ANKRD26: variants seen among roughly 807,000 people sequenced by gnomAD.
The protein encoded by ANKRD26 is ankyrin repeat domain 26, also known as ankyrin repeat domain-containing protein 26.
A neutral mutation model predicts 208.7 loss-of-function variants in ANKRD26; 141 were observed. That is an observed-to-expected ratio of 0.68 (90% CI 0.59 to 0.78). The LOEUF is 0.78. Ranked by LOEUF, ANKRD26 falls within the 30% of genes least tolerant of loss-of-function variation. The probability of loss-of-function intolerance (pLI) is 0.00; values close to 1 mark genes in which losing one functional copy is unlikely to be tolerated. For missense variants in ANKRD26, 1,889 were observed against 1,938.7 expected (o/e 0.97, Z 0.48); for synonymous variants, 636 against 660.4 (o/e 0.96, Z 0.57).
rs763882780 is a variant in ANKRD26 at position 27,040,222 on chromosome 10, C to T, written c.2162-44G>A. ...AAGATAGAAATATATGAGCATTTTT[C>T]CATATAACACACTGTGCACTATAAC... On this transcript the variant is annotated intron_variant, in intron 20 of 33. Coordinates refer to ENST00000376087, the MANE Select transcript of ANKRD26 (RefSeq NM_014915.3). The T allele has an allele frequency of 6.6e-6, 9 of 1,371,728 alleles. No homozygotes were observed. The Admixed American group carries it at 1.6e-4, about 25-fold the overall frequency. The allele number at this position is 1,371,728 out of a possible 1,614,324, so 85.0% of individuals were successfully genotyped here. A position where few individuals can be genotyped will look rare whatever the true frequency, so the allele number is the denominator to read the frequency against.
intron 6 of ANKRD26, among the ~76,000 whole-genome samples, chr10:27,079,766 T>C (rs899644963): frequency 1.3e-5 from 2 of 152,106 alleles, no homozygotes; most frequent in South Asian, 2.1e-4. Context: ...GGCAAGAGAA[T>C]TGCTTGAACC....
At chr10:27,042,856 C>T (rs1188916619) in intron 20 of ANKRD26, among the ~76,000 whole-genome samples, 4 of 134,744 alleles carry the variant, frequency 3.0e-5, no homozygotes, top group Non-Finnish European at 4.7e-5. Context: ...ATATCAGCTA[C>T]TCAGGAGGCT....
At chr10:26,962,930 A>G in the ANKRD26 span, among the ~76,000 whole-genome samples, 3 of 152,204 alleles carry the variant, frequency 2.0e-5, no homozygotes, top group Admixed American at 2.0e-4. Context: ...TATCATGCTT[A>G]CTACATTCTG....
At chr10:27,051,232 T>A (rs764807812) in intron 16 of ANKRD26, 10 of 1,289,858 alleles carry the variant, frequency 7.8e-6, no homozygotes, top group South Asian at 1.2e-5. Context: ...TCAGGTTCCA[T>A]GCTTTTATAG....
At chr10:27,010,635 A>G (rs2053066578) in intron 32 of ANKRD26, among the ~76,000 whole-genome samples, 1 of 152,158 alleles carries the variant, frequency 6.6e-6, no homozygotes, top group Admixed American at 6.5e-5. Context: ...AGCTGGGACT[A>G]CAAGCGTGCA....
At chr10:26,988,351 C>A (rs1250587265), downstream of ANKRD26, among the ~76,000 whole-genome samples, 1 of 152,126 alleles carries the variant, frequency 6.6e-6, no homozygotes, top group Non-Finnish European at 1.5e-5. Flanking sequence ...TATCTTGGGA[C>A]ACTTTGTCTC....
intron 27 of ANKRD26, among the ~76,000 whole-genome samples, chr10:27,025,197 G>T (rs539067938): frequency 4.6e-5 from 7 of 151,624 alleles, no homozygotes; most frequent in African/African-American, 1.7e-4. Flanking sequence ...CTGTGACAGG[G>T]TCTCACTCTG....
chr10:27,031,697 T>C (rs72807629), intron 25 of ANKRD26, among the ~76,000 whole-genome samples: 14,200 of 152,244 alleles, frequency 0.093, 794 homozygotes, highest in East Asian at 0.28. Context: ...CTGTATGGTA[T>C]ATAAATTATA....
intron 30 of ANKRD26, among the ~76,000 whole-genome samples, chr10:27,016,888 A>C (rs2053312531): frequency 6.6e-6 from 1 of 151,718 alleles, no homozygotes; most frequent in Non-Finnish European, 1.5e-5. Context: ...AAAAAAGCTG[A>C]AGTTTAAAAT....
chr10:26,964,760 T>C, the ANKRD26 span, among the ~76,000 whole-genome samples: 3 of 152,294 alleles, frequency 2.0e-5, no homozygotes, highest in Admixed American at 6.5e-5. Flanking sequence ...TCTGTCACCA[T>C]TTAGGGGTGA....
chr10:27,062,260 T>C (rs1422103917), intron 12 of ANKRD26: 2 of 939,576 alleles, frequency 2.1e-6, no homozygotes, highest in African/African-American at 3.6e-5. Context: ...TTGTTTCTTC[T>C]CCTCTGGAAG....
At chr10:27,027,467 T>C (rs539280686) in intron 27 of ANKRD26, among the ~76,000 whole-genome samples, 42 of 152,298 alleles carry the variant, frequency 2.8e-4, no homozygotes, top group African/African-American at 9.9e-4. Flanking sequence ...ACCATATCCA[T>C]AGCAGCATTA....
At position 27,077,559 on chromosome 10, in the gene ANKRD26, A is replaced by G. The variant is rs2055745560; in HGVS notation, c.875-19T>C. ...GCTTCTACTACAGTAAAAACAAAAT[A>G]AAGAGTAAATGAAAATATATGTAAT... On this transcript the variant is annotated intron_variant, in intron 8 of 33. Transcript: ENST00000376087. 1.2e-6 allele frequency: 2 copies of G among 1,612,410 alleles called. No homozygotes were observed. Among genetic ancestry groups the G allele is most frequent in the Non-Finnish European group, 1.7e-6 (2 of 1,178,650 alleles).
chr10:27,068,922 G>A (rs951709975), intron 9 of ANKRD26, among the ~76,000 whole-genome samples: 8 of 151,882 alleles, frequency 5.3e-5, no homozygotes, highest in East Asian at 3.9e-4. Context: ...GGCGCAGCGC[G>A]GTGGCTCACA....
In ANKRD26 at chr10:27,033,365, G is replaced by T; in HGVS notation, c.3667C>A (p.Gln1223Lys). The stretch of plus-strand genomic sequence containing the variant: ...GTATCAGCTAGTTCTTGTTGAAGTT[G>T]TCTCACAACAACCTGATAAGACATT... ...EKAEREVVVR[Q>K]LQQELADTLK... Residue 1223 changes from glutamine (Q) to lysine (K), a missense_variant, in exon 25 of 34, where the codon CAA becomes AAA. Physicochemically the swap from Gln to Lys is moderately conservative, Grantham distance 53. Coordinates refer to ENST00000376087, the MANE Select transcript of ANKRD26 (RefSeq NM_014915.3). 1 of 1,609,266 alleles carries T rather than the reference G, an allele frequency of 6.2e-7. No homozygotes were observed.
chr10:27,096,093 G>A (rs117859868), intron 1 of ANKRD26, among the ~76,000 whole-genome samples: 1 of 152,148 alleles, frequency 6.6e-6, no homozygotes, highest in South Asian at 2.1e-4. Context: ...CTCAACACAG[G>A]AGCCAAGCAG....
intron 12 of ANKRD26, chr10:27,061,817 G>T: frequency 3.9e-6 from 2 of 516,504 alleles, no homozygotes; most frequent in Non-Finnish European, 5.0e-6. Flanking sequence ...CACCCACCTT[G>T]GCCTCCCAAA....
the ANKRD26 span, among the ~76,000 whole-genome samples, chr10:26,961,426 T>G: frequency 6.6e-6 from 1 of 152,194 alleles, no homozygotes; most frequent in South Asian, 2.1e-4. Flanking sequence ...CAAAGTGAGA[T>G]ATAAGCGTGG....
chr10:27,044,286 G>A (rs1420762813), intron 18 of ANKRD26, 96 bp from the exon 19 acceptor site: 7 of 1,095,310 alleles, frequency 6.4e-6, no homozygotes, highest in Non-Finnish European at 7.6e-6. Context: ...CTCTGCATTT[G>A]TAATTTATTT....
Sources: gnomAD v4.1 joint callset for allele counts (sites outside exome capture counted in the v4.1 genomes callset) on GRCh38, gnomAD v4.1.1 for gene constraint, MANE v1.5 for transcripts, NCBI Gene and HGNC (gene_info 2026-07-23, HGNC 2026-07-21) for gene names.